The following RASGRF1 variants were observed in gnomAD, a reference collection of about 807,000 sequenced individuals.
The protein encoded by RASGRF1 is ras-specific guanine nucleotide-releasing factor 1.
Under a neutral mutation model 138.7 loss-of-function variants are expected in RASGRF1, and 40 were observed. The observed-to-expected ratio is 0.29, with a 90% CI of 0.22 to 0.38. The LOEUF is 0.38. RASGRF1 is among the 10% of genes least tolerant of loss of function. RASGRF1 has a pLI of 1.00. For synonymous variants in RASGRF1, 614 were observed against 663.2 expected (o/e 0.93, Z 1.14); for missense variants, 1,108 against 1,650.4 (o/e 0.67, Z 5.69).
In RASGRF1 at chr15:79,090,599, G is replaced by A. The variant is rs1389374208; in HGVS notation, c.-101C>T. The A allele has an allele frequency of 5.3e-6, 8 of 1,509,724 alleles. No homozygotes were observed. In the Admixed American group the frequency reaches 1.1e-4, roughly 20 times the overall value. The allele number at this position is 1,509,724 out of a possible 1,614,324, so 93.5% of individuals were successfully genotyped here. On this transcript the variant is annotated 5_prime_UTR_variant, in exon 1 of 27. Transcript: ENST00000558480. The stretch of plus-strand genomic sequence containing the variant: ...CGCTGCCTCTCTCTGGCGCTCGCTC[G>A]CTCGCTCCCTCTAGCTCTCCCCTCC...
At chr15:79,059,262 CCCTTCCCTTCCCTAT>C (rs1567594622) in intron 2 of RASGRF1, among the ~76,000 whole-genome samples, 5 of 135,808 alleles carry the variant, frequency 3.7e-5, no homozygotes, top group East Asian at 2.2e-4. Context: ...TCCTTCCCTT[CCCTTCCCTTCCCTAT>C]CCTTCCCTTC....
At chr15:78,962,534 T>C (rs966161378) in intron 26 of RASGRF1, among the ~76,000 whole-genome samples, 3 of 152,188 alleles carry the variant, frequency 2.0e-5, no homozygotes, top group African/African-American at 7.2e-5. Context: ...TCTGCCAGTG[T>C]TTCTGTATGT....
intron 15 of RASGRF1, among the ~76,000 whole-genome samples, chr15:79,003,206 C>A (rs1021266206): frequency 6.6e-6 from 1 of 152,256 alleles, no homozygotes; most frequent in Admixed American, 6.5e-5. Flanking sequence ...TTCCCATGGT[C>A]TAGAATGTTC....
intron 23 of RASGRF1, 156 bp from the exon 24 acceptor site, chr15:78,980,855 T>A: frequency 1.9e-6 from 1 of 514,512 alleles, no homozygotes; most frequent in East Asian, 2.9e-5. Context: ...ACCTTGCCCC[T>A]GAACTCCTCA....
At chr15:79,060,867 C>T (rs1052348481) in intron 2 of RASGRF1, among the ~76,000 whole-genome samples, 1 of 152,058 alleles carries the variant, frequency 6.6e-6, no homozygotes, top group Non-Finnish European at 1.5e-5. Context: ...CTGGCATGCA[C>T]CGTTGCACAG....
At chr15:79,079,897 A>G (rs1032508718) in intron 1 of RASGRF1, among the ~76,000 whole-genome samples, 11 of 152,224 alleles carry the variant, frequency 7.2e-5, no homozygotes, top group Admixed American at 7.2e-4. Context: ...GGACACCAGG[A>G]CACACCTCCC....
chr15:79,046,694 C>T lies in RASGRF1; in HGVS notation c.878+52G>A, dbSNP rs2057358189. 4 of 1,602,276 alleles carry T rather than the reference C, an allele frequency of 2.5e-6. No homozygotes were observed. In the Admixed American group the frequency reaches 6.7e-5, roughly 27 times the overall value. Reference sequence around the variant, plus strand: ...AGAGTGTGTCAAAGCTTAGCTGCGGCCAATGCTCACTAGTCTCCTTCCTGC... The same window carrying T: ...AGAGTGTGTCAAAGCTTAGCTGCGGTCAATGCTCACTAGTCTCCTTCCTGC... On this transcript the variant is annotated intron_variant, in intron 5 of 26. Transcript: ENST00000558480. This position sits in a 1 kb window ranked among gnomAD's most constrained non-coding sequence, Gnocchi z 5.3.
chr15:79,038,971 A>G (rs2057258701), intron 5 of RASGRF1, among the ~76,000 whole-genome samples: 1 of 152,202 alleles, frequency 6.6e-6, no homozygotes, highest in African/African-American at 2.4e-5. Flanking sequence ...CCAATTAGCC[A>G]GATTAACCAA....
intron 26 of RASGRF1, 65 bp from the exon 27 acceptor site, chr15:78,962,301 T>C: frequency 8.4e-7 from 1 of 1,195,660 alleles, no homozygotes; most frequent in Admixed American, 2.0e-5. Context: ...TGATTGTGGA[T>C]GCACTTTATC....
rs779014198 is a variant in RASGRF1 at position 78,999,895 on chromosome 15, T to C, written c.2594A>G (p.Tyr865Cys). 9.3e-6 allele frequency: 15 copies of C among 1,613,960 alleles called. No individual in the cohort carries two copies. Among genetic ancestry groups the C allele is most frequent in the African/African-American group, 1.3e-5 (1 of 74,900 alleles). ...KNSSEFPLFSYNNGVVMTSCR... is the reference protein window; with the variant it reads ...KNSSEFPLFSCNNGVVMTSCR... Reference sequence around the variant, plus strand: ...GGAGGTCATGACGACTCCATTGTTATAGGAAAAGAGTGGGAACTCTGCAGA... The same window carrying C: ...GGAGGTCATGACGACTCCATTGTTACAGGAAAAGAGTGGGAACTCTGCAGA... The change falls in exon 17 of 27, where the codon TAT becomes TGT. Residue 865 changes from tyrosine (Y) to cysteine (C), a missense_variant. By Grantham distance (194) the Tyr-to-Cys change is radical. Around this residue, in one of 3 missense-constraint regions of RASGRF1, gnomAD observed 686 missense variants for 976.7 expected, o/e 0.70. Transcript: ENST00000558480.
At chr15:79,047,702 G>A (rs16970495) in intron 4 of RASGRF1, among the ~76,000 whole-genome samples, 47,223 of 151,962 alleles carry the variant, frequency 0.31, 7,829 homozygotes, top group Admixed American at 0.46. Flanking sequence ...GTGGCCTCAT[G>A]TTGGCAAGAA....
chr15:79,042,226 T>C (rs946415043), intron 5 of RASGRF1, among the ~76,000 whole-genome samples: 4 of 152,246 alleles, frequency 2.6e-5, no homozygotes, highest in Non-Finnish European at 5.9e-5. Flanking sequence ...CCCAAGGACC[T>C]TTTAAAATGA....
intron 1 of RASGRF1, among the ~76,000 whole-genome samples, chr15:79,088,320 C>T (rs1373250872): frequency 6.6e-6 from 1 of 152,096 alleles, no homozygotes; most frequent in Non-Finnish European, 1.5e-5. Flanking sequence ...AACTGTGATT[C>T]GTCTAGATCT....
rs990397344 is a variant in RASGRF1 at position 79,021,942 on chromosome 15, G to A, written c.1543-1838C>T. On this transcript the variant is annotated intron_variant, in intron 10 of 26. Transcript: ENST00000558480. ...GTCTGTTATCCAGTGAGCACTGAGC[G>A]TGTACCTGACACGAGAACTCCCTCA... 1.2e-4 allele frequency among the ~76,000 whole-genome samples: 18 copies of A among 152,162 alleles called. No individual in the cohort carries two copies. The East Asian group carries it at 2.3e-3, about 20-fold the overall frequency.
rs1039694219 is a variant in RASGRF1 at position 79,025,365 on chromosome 15, C to T, written c.1491G>A (p.Lys497=). The T allele has an allele frequency of 5.0e-6, 8 of 1,613,912 alleles. No homozygotes were observed. In the East Asian group the frequency reaches 1.8e-4, roughly 36 times the overall value. ...AGCCTCTGGTACAGATAATCAGATGCTTAGAAAACAGGAAGCACTGTCGCT... is the reference window on the plus strand; with the variant it reads ...AGCCTCTGGTACAGATAATCAGATGTTTAGAAAACAGGAAGCACTGTCGCT... ...EGERQCFLFS[K]HLIICTRGSG... is the part of the protein sequence containing the mutation. Residue 497 remains lysine, a synonymous_variant, in exon 10 of 27, where the codon AAG becomes AAA. Transcript: ENST00000558480.
At chr15:79,001,239 C>T (rs143821039) in intron 16 of RASGRF1, among the ~76,000 whole-genome samples, 7 of 152,026 alleles carry the variant, frequency 4.6e-5, no homozygotes, top group African/African-American at 1.7e-4. Context: ...TCAGGAAGCA[C>T]CTTCTGAACC....
At chr15:79,004,229 C>G in intron 14 of RASGRF1, 54 bp from the exon 15 acceptor site, 1 of 1,506,342 alleles carries the variant, frequency 6.6e-7, no homozygotes, top group South Asian at 1.3e-5. Flanking sequence ...GCCTGCCCGC[C>G]TAGGCCTGGG....
chr15:78,986,721 C>T (rs2056167332), intron 22 of RASGRF1, among the ~76,000 whole-genome samples: 2 of 152,130 alleles, frequency 1.3e-5, no homozygotes, highest in South Asian at 2.1e-4. Flanking sequence ...GATAAAAGGA[C>T]ATTTACAGAT....
chr15:79,034,346 T>TC (rs2057188686), intron 6 of RASGRF1, among the ~76,000 whole-genome samples: 1 of 151,330 alleles, frequency 6.6e-6, no homozygotes, highest in Non-Finnish European at 1.5e-5. Flanking sequence ...GAGGTTCTTC[T>TC]GTCTGTTGCT....
Sources: allele counts gnomAD v4.1 joint callset (sites outside exome capture counted in the v4.1 genomes callset), GRCh38; gene constraint gnomAD v4.1.1; regional missense constraint gnomAD v4.1.1; non-coding constraint Gnocchi (gnomAD v3.1); transcripts MANE v1.5; gene names NCBI Gene and HGNC (gene_info 2026-07-23, HGNC 2026-07-21).